VASP: variants seen among roughly 807,000 people sequenced by gnomAD.
The protein encoded by VASP is vasodilator-stimulated phosphoprotein.
In VASP, 27 loss-of-function variants were observed where a neutral mutation model predicts 54.4. That is an observed-to-expected ratio of 0.50 (90% CI 0.37 to 0.68). The LOEUF is 0.68. Ranked by LOEUF, VASP falls within the 30% of genes least tolerant of loss-of-function variation. The pLI is 0.00. For missense variants in VASP, 488 were observed against 528.3 expected (o/e 0.92, Z 0.75); for synonymous variants, 233 against 209.8 (o/e 1.11, Z -0.96).
At position 45,518,423 on chromosome 19, in the gene VASP, G is replaced by A. The variant is rs28435488; in HGVS notation, c.343+329G>A. On this transcript the variant is annotated intron_variant, in intron 3 of 12. Coordinates refer to ENST00000245932, the MANE Select transcript of VASP (RefSeq NM_003370.4). ...ATTAAAATTCAAAAATTAGCTGGGCGTGGTGGTGCGCGCCTGTAATCCCAG... is the reference window on the plus strand; with the variant it reads ...ATTAAAATTCAAAAATTAGCTGGGCATGGTGGTGCGCGCCTGTAATCCCAG... Among the ~76,000 whole-genome samples, 989 of 152,156 alleles carry A rather than the reference G, an allele frequency of 6.5e-3. 7 individuals carry two copies. The highest frequency in any genetic ancestry group is 0.023 in the African/African-American group (938 of 41,492).
At chr19:45,511,090 G>C (rs1968592607) in intron 1 of VASP, among the ~76,000 whole-genome samples, 1 of 152,038 alleles carries the variant, frequency 6.6e-6, no homozygotes, top group Non-Finnish European at 1.5e-5. Flanking sequence ...ATTCACTTAT[G>C]GGAAACTGAG....
chr19:45,526,104 C>T (rs1968960681), intron 12 of VASP, 36 bp from the exon 13 acceptor site: 1 of 1,613,886 alleles, frequency 6.2e-7, no homozygotes, highest in Non-Finnish European at 8.5e-7. Flanking sequence ...GAGGCAGAGA[C>T]TCTGCCCCTG....
chr19:45,507,721 C>A lies in VASP; in HGVS notation c.-51C>A. The A allele has an allele frequency of 6.6e-7, 1 of 1,513,340 alleles. No homozygotes were observed. Among genetic ancestry groups the A allele is most frequent in the East Asian group, 2.7e-5 (1 of 37,502 alleles). 93.7% of individuals were successfully genotyped at this position (1,513,340 alleles called of 1,614,324 possible). On this transcript the variant is annotated 5_prime_UTR_variant, in exon 1 of 13. Coordinates refer to ENST00000245932, the MANE Select transcript of VASP (RefSeq NM_003370.4). The surrounding 1 kb of genome is among the most constrained non-coding windows in gnomAD (Gnocchi z 4.4). ...GAACCCCTGAACCTCCAGCCAGGGG[C>A]GCCCCGGGAGCAGCCAGCCCGTGGG...
At chr19:45,524,790 G>C in intron 11 of VASP, 130 bp downstream of exon 11, 1 of 893,172 alleles carries the variant, frequency 1.1e-6, no homozygotes, top group Non-Finnish European at 1.8e-6. Flanking sequence ...TGGAGAAACT[G>C]GATTGGGTCA....
In VASP at chr19:45,526,299, C is replaced by G; in HGVS notation, c.*122C>G. On this transcript the variant is annotated 3_prime_UTR_variant, in exon 13 of 13. Coordinates refer to ENST00000245932, the MANE Select transcript of VASP (RefSeq NM_003370.4). Reference sequence around the variant, plus strand: ...ACACAGGAATGCATCGTTCCCACTCCCCATCCCACTTGGAAAACTCCAAGG... The same window carrying G: ...ACACAGGAATGCATCGTTCCCACTCGCCATCCCACTTGGAAAACTCCAAGG... 1 of 1,226,142 alleles carries G rather than the reference C, an allele frequency of 8.2e-7. No individual in the cohort carries two copies. Among genetic ancestry groups the G allele is most frequent in the Non-Finnish European group, 1.1e-6 (1 of 909,688 alleles). 76.0% of individuals were successfully genotyped at this position (1,226,142 alleles called of 1,614,324 possible).
Position 45,523,969 on chromosome 19 carries a change from G to T in VASP, c.910+92G>T, listed in dbSNP as rs1016681309. On this transcript the variant is annotated intron_variant, in intron 9 of 12. Transcript: ENST00000245932. Reference sequence around the variant, plus strand: ...AGCACCCTTATAGGAGAGTCAGGGCGAATGGTGCTGGGGATTGTAGTCTCC... The same window carrying T: ...AGCACCCTTATAGGAGAGTCAGGGCTAATGGTGCTGGGGATTGTAGTCTCC... 4 of 1,609,186 alleles carry T rather than the reference G, an allele frequency of 2.5e-6. No individual in the cohort carries two copies. In the South Asian group the frequency reaches 3.3e-5, roughly 13 times the overall value.
In VASP at chr19:45,518,433, G is replaced by A. The variant is rs567385926; in HGVS notation, c.343+339G>A. On this transcript the variant is annotated intron_variant, in intron 3 of 12. Coordinates refer to ENST00000245932, the MANE Select transcript of VASP (RefSeq NM_003370.4). Reference sequence around the variant, plus strand: ...AAAAATTAGCTGGGCGTGGTGGTGCGCGCCTGTAATCCCAGCTATTCGGGA... The same window carrying A: ...AAAAATTAGCTGGGCGTGGTGGTGCACGCCTGTAATCCCAGCTATTCGGGA... Among the ~76,000 whole-genome samples, 18 of 152,180 alleles carry A rather than the reference G, an allele frequency of 1.2e-4. No individual in the cohort carries two copies. The South Asian group carries it at 2.7e-3, about 23-fold the overall frequency.
chr19:45,516,614 G>A (rs900912033), intron 1 of VASP, among the ~76,000 whole-genome samples: 2 of 152,068 alleles, frequency 1.3e-5, no homozygotes, highest in African/African-American at 2.4e-5. Context: ...CATTGGCCTC[G>A]GCCTCTTACA....
At chr19:45,521,181 C>T (rs1277112690) in intron 3 of VASP, 141 bp from the exon 4 acceptor site, 4 of 826,850 alleles carry the variant, frequency 4.8e-6, no homozygotes, top group Non-Finnish European at 7.8e-6. Context: ...TCCTCCTGGG[C>T]CTGGAGCCTC....
rs183782403 is a variant in VASP, at chr19:45,519,786, G to A, written c.344-1536G>A. Among the ~76,000 whole-genome samples the A allele has an allele frequency of 3.4e-4, 51 of 148,272 alleles. No homozygotes were observed. The East Asian group carries it at 7.5e-3, about 22-fold the overall frequency. Reference sequence around the variant, plus strand: ...AATTTTTTGTATTTTTAGTAGAGACGGGATTTCACCGTGTTAGCCAGGATG... The same window carrying A: ...AATTTTTTGTATTTTTAGTAGAGACAGGATTTCACCGTGTTAGCCAGGATG... On this transcript the variant is annotated intron_variant, in intron 3 of 12. Transcript: ENST00000245932.
chr19:45,521,429 G>A, intron 4 of VASP, 23 bp downstream of exon 4: 3 of 1,521,948 alleles, frequency 2.0e-6, no homozygotes, highest in South Asian at 2.5e-5. Context: ...CCTGGGTGGG[G>A]AACCTTAGCC....
At chr19:45,524,916 G>A (rs1230104121) in intron 11 of VASP, 2 of 384,124 alleles carry the variant, frequency 5.2e-6, no homozygotes, top group East Asian at 1.1e-4. Context: ...TGACCCAGCT[G>A]TCCATCACCA....
At chr19:45,523,901 C>T (rs1195946914) in intron 9 of VASP, 24 bp downstream of exon 9, 6 of 1,613,790 alleles carry the variant, frequency 3.7e-6, no homozygotes, top group Non-Finnish European at 5.1e-6. Flanking sequence ...CCAGTCCAGC[C>T]ACAGGAACTA....
rs188806391 is a variant in VASP, at chr19:45,508,837, G to T, written c.5+1061G>T. Among the ~76,000 whole-genome samples the T allele has an allele frequency of 1.8e-4, 27 of 152,308 alleles. 1 individual carries two copies. The highest frequency in any genetic ancestry group is 6.5e-4 in the African/African-American group (27 of 41,568). On this transcript the variant is annotated intron_variant, in intron 1 of 12. Transcript: ENST00000245932. Reference sequence around the variant, plus strand: ...GGGGTGGCGGCCCAAGGGACCCAGGGATTTGGTCTGGCCGGGGCCTCCCCC... The same window carrying T: ...GGGGTGGCGGCCCAAGGGACCCAGGTATTTGGTCTGGCCGGGGCCTCCCCC...
At chr19:45,510,690 T>A (rs1968583547) in intron 1 of VASP, among the ~76,000 whole-genome samples, 1 of 152,054 alleles carries the variant, frequency 6.6e-6, no homozygotes, top group Non-Finnish European at 1.5e-5. Flanking sequence ...CCTAACACTT[T>A]GGGAGGCCAA....
At chr19:45,515,434 G>A (rs2122300242) in intron 1 of VASP, among the ~76,000 whole-genome samples, 1 of 152,308 alleles carries the variant, frequency 6.6e-6, no homozygotes, top group South Asian at 2.1e-4. Flanking sequence ...TGGTGGGAGG[G>A]TCCCGAGGGT....
rs61288703 is a variant in VASP at position 45,523,190 on chromosome 19, A to ATTTTTTT, written c.821+396_821+402dup. ...TGATTCTAGAACCACAATCTCTTGA[A>ATTTTTTT]TTTTTTTTTTTTTTTTTTTTTTTTT... On this transcript the variant is annotated intron_variant, in intron 7 of 12. Transcript: ENST00000245932. 5.3e-3 allele frequency among the ~76,000 whole-genome samples: 394 copies of ATTTTTTT among 74,720 alleles called. 51 individuals carry two copies. The highest frequency in any genetic ancestry group is 0.015 in the East Asian group (33 of 2,194). 49.0% of individuals were successfully genotyped at this position (74,720 alleles called of 152,430 possible).
chr19:45,518,198 G>C, intron 3 of VASP, 104 bp downstream of exon 3: 1 of 1,432,704 alleles, frequency 7.0e-7, no homozygotes, highest in Non-Finnish European at 9.3e-7. Context: ...GTAAAATAGA[G>C]CGAATTCATT....
chr19:45,517,573 T>C, intron 1 of VASP, 90 bp from the exon 2 acceptor site: 2 of 1,514,700 alleles, frequency 1.3e-6, no homozygotes, highest in South Asian at 2.5e-5. Flanking sequence ...CTCTCTTCCT[T>C]CCACACACTG....
Sources: gnomAD v4.1 joint callset for allele counts (sites outside exome capture counted in the v4.1 genomes callset) on GRCh38, gnomAD v4.1.1 for gene constraint, Gnocchi (gnomAD v3.1) non-coding constraint, MANE v1.5 for transcripts, NCBI Gene and HGNC (gene_info 2026-07-23, HGNC 2026-07-21) for gene names.